The following F2R variants were observed in gnomAD, a reference collection of about 807,000 sequenced individuals.
F2R encodes the protein coagulation factor II thrombin receptor.
A neutral mutation model predicts 18.3 loss-of-function variants in F2R; 12 were observed. The ratio of observed to expected loss-of-function variants is 0.66; its 90% CI spans 0.42 to 1.06. The LOEUF (loss-of-function observed/expected upper bound fraction) is 1.06, where lower values mean the gene tolerates loss of function less well. Among genes scored for constraint, F2R ranks in the 50% least tolerant of loss-of-function variants. The pLI is 0.00. For synonymous variants in F2R, 210 were observed against 219.9 expected (o/e 0.95, Z 0.40); for missense variants, 438 against 530.8 (o/e 0.83, Z 1.72).
chr5:76,733,326 C>T lies in F2R; in HGVS notation c.1101C>T (p.Asp367=). The T allele has an allele frequency of 6.2e-7, 1 of 1,614,208 alleles. No individual in the cohort carries two copies. Residue 367 remains aspartate (D), a synonymous_variant, in exon 2 of 2, where the codon GAC becomes GAT. Transcript: ENST00000319211. The part of the protein sequence containing the change: ...VCVSSISCCI[D]PLIYYYASSE... ...TCAGCAGCATAAGCTGCTGCATCGACCCCCTAATTTACTATTACGCTTCCT... is the reference window on the plus strand; with the variant it reads ...TCAGCAGCATAAGCTGCTGCATCGATCCCCTAATTTACTATTACGCTTCCT...
At chr5:76,717,043 C>G (rs915132448) in intron 1 of F2R, among the ~76,000 whole-genome samples, 7 of 152,104 alleles carry the variant, frequency 4.6e-5, no homozygotes, top group Non-Finnish European at 1.0e-4. Flanking sequence ...TTACCTAGAA[C>G]CCATTCCTTC....
chr5:76,718,417 T>C (rs1056055648), intron 1 of F2R, among the ~76,000 whole-genome samples: 1 of 152,210 alleles, frequency 6.6e-6, no homozygotes, highest in African/African-American at 2.4e-5. Context: ...CAACAGTGCC[T>C]CCCATCCTTG....
chr5:76,717,412 G>A (rs1012239547), intron 1 of F2R, among the ~76,000 whole-genome samples: 1 of 152,118 alleles, frequency 6.6e-6, no homozygotes, highest in Admixed American at 6.5e-5. Flanking sequence ...GTTCTAGCGG[G>A]TTTTCTTGTT....
At position 76,732,663 on chromosome 5, in the gene F2R, G is replaced by A. The variant is rs909217054; in HGVS notation, c.438G>A (p.Thr146=). 2.5e-6 allele frequency: 4 copies of A among 1,614,176 alleles called. No homozygotes were observed. The highest frequency in any genetic ancestry group is 1.3e-5 in the African/African-American group (1 of 75,042). ...PAVVYMLHLA[T]ADVLFVSVLP... is the part of the protein sequence containing the mutation. ...TGGTGTACATGCTGCACCTGGCCAC[G>A]GCAGATGTGCTGTTTGTGTCTGTGC... Residue 146 remains threonine (T), a synonymous_variant, in exon 2 of 2, where the codon ACG becomes ACA. Coordinates refer to ENST00000319211, the MANE Select transcript of F2R (RefSeq NM_001992.5).
chr5:76,718,148 G>A (rs1440841246), intron 1 of F2R, among the ~76,000 whole-genome samples: 1 of 152,136 alleles, frequency 6.6e-6, no homozygotes, highest in African/African-American at 2.4e-5. Context: ...TGTTAAGGTG[G>A]GTATTTATCC....
At position 76,733,432 on chromosome 5, in the gene F2R, T is replaced by C. The variant is rs140601283; in HGVS notation, c.1207T>C (p.Leu403=). The C allele has an allele frequency of 8.7e-4, 1,407 of 1,614,188 alleles. 1 individual carries two copies. The highest frequency in any genetic ancestry group is 1.0e-3 in the Non-Finnish European group (1,175 of 1,180,026). Residue 403 remains leucine (L), a synonymous_variant, in exon 2 of 2, where the codon TTG becomes CTG. Transcript: ENST00000319211. ...CAGCAGTTATAACAGCAGTGGGCAG[T>C]TGATGGCAAGTAAAATGGATACCTG... ...DPSSYNSSGQ[L]MASKMDTCSS...
chr5:76,723,349 TG>T (rs1490924346), intron 1 of F2R, among the ~76,000 whole-genome samples: 2 of 152,164 alleles, frequency 1.3e-5, no homozygotes, highest in Non-Finnish European at 2.9e-5. Flanking sequence ...TAGCGTGGAG[TG>T]GTCAAAAGGT....
chr5:76,735,501 A>G lies in F2R; in HGVS notation c.*1998A>G, dbSNP rs894512771. Reference sequence around the variant, plus strand: ...AAAATAAAAATAAATAAAAAATAAAAAAATAAAAGAGCAAACTATTTCCAA... The same window carrying G: ...AAAATAAAAATAAATAAAAAATAAAGAAATAAAAGAGCAAACTATTTCCAA... On this transcript the variant is annotated 3_prime_UTR_variant, in exon 2 of 2. Transcript: ENST00000319211. 2.6e-4 allele frequency: 39 copies of G among 152,248 alleles called. No homozygotes were observed. The highest frequency in any genetic ancestry group is 9.1e-4 in the African/African-American group (38 of 41,558). The allele number at this position is 152,248 out of a possible 1,614,324, so 9.4% of individuals were successfully genotyped here. A position where few individuals can be genotyped will look rare whatever the true frequency, so the allele number is the denominator to read the frequency against.
Position 76,722,268 on chromosome 5 carries a change from C to G in F2R, c.88+5873C>G, listed in dbSNP as rs532990994. On this transcript the variant is annotated intron_variant, in intron 1 of 1. Transcript: ENST00000319211. ...GACTGTGAATTAGTTTTCATTTTAG[C>G]TAGATGTCTTGTTGGAGAGTAGAGA... Among the ~76,000 whole-genome samples the G allele has an allele frequency of 3.7e-4, 57 of 152,266 alleles. No homozygotes were observed. The South Asian group carries it at 0.012, about 32-fold the overall frequency.
chr5:76,728,685 C>CTTTTTTTTTTTT (rs763418437), intron 1 of F2R, among the ~76,000 whole-genome samples: 1 of 90,510 alleles, frequency 1.1e-5, no homozygotes, highest in Non-Finnish European at 2.0e-5. Flanking sequence ...ACATCCTGGT[C>CTTTTTTTTTTTT]TTTTTTTTTT....
chr5:76,718,051 G>T (rs1046495534), intron 1 of F2R, among the ~76,000 whole-genome samples: 1 of 152,142 alleles, frequency 6.6e-6, no homozygotes, highest in Admixed American at 6.5e-5. Context: ...GAAAAGGAGC[G>T]CTTGCTAAGT....
At chr5:76,725,358 T>G (rs1301024302) in intron 1 of F2R, among the ~76,000 whole-genome samples, 1 of 152,212 alleles carries the variant, frequency 6.6e-6, no homozygotes, top group African/African-American at 2.4e-5. Context: ...TAAGTGAAAC[T>G]TAGCAAATCG....
At chr5:76,724,319 C>T (rs1172138544) in intron 1 of F2R, among the ~76,000 whole-genome samples, 1 of 152,222 alleles carries the variant, frequency 6.6e-6, no homozygotes, top group Non-Finnish European at 1.5e-5. Context: ...AGTCCTCCTG[C>T]CTCGGCTTCC....
rs61318646 is a variant in F2R, at chr5:76,726,159, G to A, written c.89-6155G>A. 7.2e-3 allele frequency among the ~76,000 whole-genome samples: 1,103 copies of A among 152,290 alleles called. 13 individuals carry two copies. The highest frequency in any genetic ancestry group is 0.024 in the African/African-American group (996 of 41,544). ...AATCCCAGCACTTTGGGAGGCTGAG[G>A]TGGGTGGATCACTTGAGGCCAGGAG... On this transcript the variant is annotated intron_variant, in intron 1 of 1. Coordinates refer to ENST00000319211, the MANE Select transcript of F2R (RefSeq NM_001992.5).
intron 1 of F2R, among the ~76,000 whole-genome samples, chr5:76,720,648 A>G (rs556526409): frequency 2.8e-4 from 42 of 152,286 alleles, no homozygotes; most frequent in Middle Eastern, 3.4e-3. Context: ...AAAGGAAACC[A>G]GTAAGCAGTC....
intron 1 of F2R, among the ~76,000 whole-genome samples, chr5:76,720,496 A>G (rs1172064317): frequency 6.6e-6 from 1 of 152,102 alleles, no homozygotes; most frequent in Non-Finnish European, 1.5e-5. Flanking sequence ...TTTAAAAAAT[A>G]AAATAATAAA....
chr5:76,728,065 T>C (rs974234810), intron 1 of F2R, among the ~76,000 whole-genome samples: 2 of 151,990 alleles, frequency 1.3e-5, no homozygotes, highest in Non-Finnish European at 2.9e-5. Context: ...CCCCTTTTTC[T>C]TTTATTTGAC....
In F2R at chr5:76,717,108, T is replaced by G. The variant is rs552682445; in HGVS notation, c.88+713T>G. Among the ~76,000 whole-genome samples the G allele has an allele frequency of 2.5e-4, 38 of 152,364 alleles. 1 individual carries two copies. The highest frequency in any genetic ancestry group is 2.2e-3 in the Admixed American group (33 of 15,304). On this transcript the variant is annotated intron_variant, in intron 1 of 1. Coordinates refer to ENST00000319211, the MANE Select transcript of F2R (RefSeq NM_001992.5). Reference sequence around the variant, plus strand: ...CAGGACCGGGCTCCCTCGAACACTGTGGGATCCCAGTATTTCTTAACGAGA... The same window carrying G: ...CAGGACCGGGCTCCCTCGAACACTGGGGGATCCCAGTATTTCTTAACGAGA...
chr5:76,733,491 G>T lies in F2R; in HGVS notation c.1266G>T (p.Lys422Asn), dbSNP rs767618568. 3.1e-6 allele frequency: 5 copies of T among 1,606,424 alleles called. No individual in the cohort carries two copies. Among genetic ancestry groups the T allele is most frequent in the South Asian group, 1.1e-5 (1 of 89,476 alleles). The change falls in exon 2 of 2, where the codon AAG becomes AAT. Residue 422 changes from lysine (K) to asparagine (N), a missense_variant. Lys to Asn is a moderately conservative substitution (Grantham distance 94). Coordinates refer to ENST00000319211, the MANE Select transcript of F2R (RefSeq NM_001992.5). Reference protein sequence around the residue: ...SSNLNNSIYKKLLT With the variant: ...SSNLNNSIYKNLLT ...ACCTGAATAACAGCATATACAAAAA[G>T]CTGTTAACTTAGGAAAAGGGACTGC...
Sources: allele counts gnomAD v4.1 joint callset (sites outside exome capture counted in the v4.1 genomes callset), GRCh38; gene constraint gnomAD v4.1.1; transcripts MANE v1.5; gene names NCBI Gene and HGNC (gene_info 2026-07-23, HGNC 2026-07-21).